Variants in SGCD observed in about 807,000 individuals in gnomAD.
SGCD encodes delta-sarcoglycan.
Under a neutral mutation model 36.6 loss-of-function variants are expected in SGCD, and 18 were observed. The ratio of observed to expected loss-of-function variants is 0.49; its 90% CI spans 0.34 to 0.73. SGCD has a LOEUF of 0.73. Ranked by LOEUF, SGCD falls within the 30% of genes least tolerant of loss-of-function variation. SGCD has a pLI of 0.01. For synonymous variants in SGCD, 133 were observed against 130.6 expected, an observed-to-expected ratio of 1.02 and a Z score of -0.12; for missense variants, 387 against 346.7, an observed-to-expected ratio of 1.12 and a Z score of -0.92.
intron 3 of SGCD, among the ~76,000 whole-genome samples, chr5:156,500,656 T>C (rs1291966724): frequency 6.6e-6 from 1 of 152,172 alleles, no homozygotes. Flanking sequence ...AATTGCACAA[T>C]AGGTCTGCAA....
chr5:156,594,558 C>T (rs748762373), intron 5 of SGCD, among the ~76,000 whole-genome samples: 2 of 152,090 alleles, frequency 1.3e-5, no homozygotes, highest in East Asian at 1.9e-4. Flanking sequence ...GTGATTGTCT[C>T]GAGAAGTGTT....
chr5:156,279,827 G>A (rs942315017), intron 3 of SGCD, among the ~76,000 whole-genome samples: 3 of 152,072 alleles, frequency 2.0e-5, no homozygotes, highest in Admixed American at 6.6e-5. Context: ...ACAGAGGTGA[G>A]TACAGTTTTG....
chr5:156,217,900 A>G (rs1240176062), intron 3 of SGCD, among the ~76,000 whole-genome samples: 1 of 152,174 alleles, frequency 6.6e-6, no homozygotes, highest in Non-Finnish European at 1.5e-5. Flanking sequence ...TATAAAAATC[A>G]TGGCCAGAAT....
chr5:156,432,526 A>G (rs1217172568), intron 3 of SGCD, among the ~76,000 whole-genome samples: 1 of 152,142 alleles, frequency 6.6e-6, no homozygotes, highest in Non-Finnish European at 1.5e-5. Flanking sequence ...AAGCTCCCCA[A>G]GAGTTTATGT....
intron 2 of SGCD, among the ~76,000 whole-genome samples, chr5:156,331,727 T>A (rs1440675871): frequency 6.6e-6 from 1 of 152,138 alleles, no homozygotes; most frequent in Admixed American, 6.5e-5. Flanking sequence ...ATTCATTGAG[T>A]TCAGAGTAAA....
rs184807710 is a variant in SGCD, at chr5:156,221,386, A to G, written c.-44+97367A>G. Among the ~76,000 whole-genome samples the G allele has an allele frequency of 1.1e-3, 172 of 152,264 alleles. 1 individual carries two copies. Among genetic ancestry groups the G allele is most frequent in the Non-Finnish European group, 1.8e-3 (121 of 67,978 alleles). On this transcript the variant is annotated intron_variant, in intron 3 of 9. Transcript: ENST00000517913. ...ATTATAAACAAAAATTTAGAAATGC[A>G]ATATAGTTAACAACATGAACTTTAA...
At chr5:156,358,328 A>G (rs1249878335) in intron 3 of SGCD, among the ~76,000 whole-genome samples, 1 of 152,212 alleles carries the variant, frequency 6.6e-6, no homozygotes. Context: ...AATCCTTGGC[A>G]GGGAGGAGAC....
chr5:155,796,506 TAAAAATC>T, the SGCD span, among the ~76,000 whole-genome samples: 1 of 151,688 alleles, frequency 6.6e-6, no homozygotes, highest in East Asian at 1.9e-4. Context: ...AAAAAACACT[TAAAAATC>T]AATGATTCGG....
chr5:156,074,301 T>C (rs1241630047), intron 1 of SGCD, among the ~76,000 whole-genome samples: 1 of 152,070 alleles, frequency 6.6e-6, no homozygotes, highest in Admixed American at 6.5e-5. Context: ...TGGGGTCAGA[T>C]TGAAGGGAGC....
At chr5:156,517,491 A>T (rs1757225970) in intron 4 of SGCD, among the ~76,000 whole-genome samples, 1 of 152,064 alleles carries the variant, frequency 6.6e-6, no homozygotes. Flanking sequence ...AATCCAGAGA[A>T]CCCCAGTAAG....
At chr5:156,506,491 C>T (rs78854340) in intron 3 of SGCD, among the ~76,000 whole-genome samples, 2,857 of 152,154 alleles carry the variant, frequency 0.019, 32 homozygotes, top group Non-Finnish European at 0.031. Context: ...CTGAAATGAA[C>T]CAGGGCTTCT....
At chr5:156,603,041 C>A (rs911322832) in intron 6 of SGCD, among the ~76,000 whole-genome samples, 1 of 152,030 alleles carries the variant, frequency 6.6e-6, no homozygotes, top group Admixed American at 6.5e-5. Context: ...AAGTGTTTGG[C>A]AAGAAGTCAG....
chr5:155,943,392 G>T (rs1410577557), intron 1 of SGCD, among the ~76,000 whole-genome samples: 2 of 151,762 alleles, frequency 1.3e-5, no homozygotes, highest in Non-Finnish European at 1.5e-5. Flanking sequence ...TAGTGAAAAG[G>T]GAAGAATCTA....
At chr5:155,766,908 C>A in the SGCD span, among the ~76,000 whole-genome samples, 1 of 152,110 alleles carries the variant, frequency 6.6e-6, no homozygotes, top group Admixed American at 6.6e-5. Context: ...GATCTGACTT[C>A]TTTCCCTCGA....
the SGCD span, among the ~76,000 whole-genome samples, chr5:155,762,285 G>T: frequency 2.0e-5 from 3 of 152,136 alleles, no homozygotes; most frequent in Non-Finnish European, 4.4e-5. Flanking sequence ...TTGGAATTTA[G>T]GTTATCTATC....
rs1385371032 is a variant in SGCD, at chr5:156,696,920, ACACAC to A, written c.575+49385_575+49389del. On this transcript the variant is annotated intron_variant, in intron 7 of 8. Transcript: ENST00000337851. ...TCCCCATCATCCTTACACACAACACACACACACACACACACACACACACACACACA... is the reference window on the plus strand; with the variant it reads ...TCCCCATCATCCTTACACACAACACAACACACACACACACACACACACACA... 7.7e-3 allele frequency among the ~76,000 whole-genome samples: 12 copies of A among 1,554 alleles called. No individual in the cohort carries two copies. In the South Asian group the frequency reaches 0.15, roughly 20 times the overall value. The allele number at this position is 1,554 out of a possible 152,430, so 1.0% of individuals were successfully genotyped here.
At chr5:156,454,408 G>A (rs1356752667) in intron 3 of SGCD, among the ~76,000 whole-genome samples, 6 of 152,192 alleles carry the variant, frequency 3.9e-5, no homozygotes, top group Non-Finnish European at 8.8e-5. Context: ...CCCCGGGGCT[G>A]TGAGAGATTA....
intron 3 of SGCD, among the ~76,000 whole-genome samples, chr5:156,195,282 T>A (rs151055734): frequency 1.7e-4 from 26 of 152,334 alleles, no homozygotes; most frequent in Non-Finnish European, 1.5e-4. Flanking sequence ...ATGCTTCGCA[T>A]TAATCATTGT....
intron 3 of SGCD, among the ~76,000 whole-genome samples, chr5:156,184,278 A>C (rs188455043): frequency 6.1e-4 from 93 of 152,238 alleles, no homozygotes; most frequent in Middle Eastern, 3.4e-3. Flanking sequence ...AACCATCATA[A>C]GATGGTGACC....
Sources: gnomAD v4.1 joint callset for allele counts (sites outside exome capture counted in the v4.1 genomes callset) on GRCh38, gnomAD v4.1.1 for gene constraint, MANE v1.5 for transcripts, NCBI Gene and HGNC (gene_info 2026-07-23, HGNC 2026-07-21) for gene names.